The following TSPAN12 variants were observed in gnomAD, a reference collection of about 807,000 sequenced individuals.
TSPAN12 encodes tetraspanin 12.
A neutral mutation model predicts 39.2 loss-of-function variants in TSPAN12; 19 were observed. That is an observed-to-expected ratio of 0.49 (90% CI 0.34 to 0.71). TSPAN12 has a LOEUF of 0.71. TSPAN12 is among the 30% of genes least tolerant of loss of function. The pLI is 0.01. For synonymous variants in TSPAN12, 119 were observed against 124.8 expected, an observed-to-expected ratio of 0.95 and a Z score of 0.31; for missense variants, 314 against 359.9, an observed-to-expected ratio of 0.87 and a Z score of 1.03.
chr7:120,799,888 TTAA>T (rs1427802717), intron 7 of TSPAN12, among the ~76,000 whole-genome samples: 3 of 142,060 alleles, frequency 2.1e-5, no homozygotes, highest in Non-Finnish European at 4.5e-5. Flanking sequence ...TAATTAAATA[TTAA>T]TAAATATTTA....
chr7:120,809,840 T>C (rs1477674107), intron 6 of TSPAN12, among the ~76,000 whole-genome samples: 1 of 152,190 alleles, frequency 6.6e-6, no homozygotes, highest in Non-Finnish European at 1.5e-5. Context: ...TTTGTAATGT[T>C]ATTGTTAATA....
upstream of TSPAN12, chr7:120,858,265 T>C (rs1163586004): frequency 6.6e-6 from 1 of 152,266 alleles, no homozygotes; most frequent in Non-Finnish European, 1.5e-5. Context: ...AGATAATGCC[T>C]AGGAACTTGG....
At chr7:120,810,049 T>A (rs910303847) in intron 6 of TSPAN12, among the ~76,000 whole-genome samples, 3 of 152,164 alleles carry the variant, frequency 2.0e-5, no homozygotes, top group Non-Finnish European at 2.9e-5. Flanking sequence ...ATTAATGATA[T>A]ACTGACTTCA....
intron 7 of TSPAN12, among the ~76,000 whole-genome samples, chr7:120,799,801 A>G (rs1218168675): frequency 7.4e-6 from 1 of 136,028 alleles, no homozygotes; most frequent in East Asian, 2.1e-4. Flanking sequence ...AATATATTAA[A>G]TATTTATTAT....
intron 7 of TSPAN12, among the ~76,000 whole-genome samples, chr7:120,792,970 A>C (rs1167496893): frequency 6.6e-6 from 1 of 152,228 alleles, no homozygotes; most frequent in Non-Finnish European, 1.5e-5. Context: ...CCACACCGGA[A>C]CAACACTAAT....
At chr7:120,795,215 G>A (rs528456254) in intron 7 of TSPAN12, among the ~76,000 whole-genome samples, 1 of 152,278 alleles carries the variant, frequency 6.6e-6, no homozygotes, top group Admixed American at 6.5e-5. Flanking sequence ...AATTTTACTT[G>A]AAAATGTTTT....
At chr7:120,838,607 C>T (rs187950338) in intron 4 of TSPAN12, among the ~76,000 whole-genome samples, 170 bp downstream of exon 4, 41 of 152,240 alleles carry the variant, frequency 2.7e-4, no homozygotes, top group African/African-American at 9.1e-4. Flanking sequence ...ATACCTCATC[C>T]GGTACAGCAA....
intron 2 of TSPAN12, among the ~76,000 whole-genome samples, chr7:120,850,170 T>C (rs1001548911): frequency 6.6e-6 from 1 of 152,190 alleles, no homozygotes; most frequent in Non-Finnish European, 1.5e-5. Flanking sequence ...AGAATGAACA[T>C]CAATTAATTA....
intron 4 of TSPAN12, among the ~76,000 whole-genome samples, chr7:120,827,819 T>C (rs1442202193): frequency 1.3e-5 from 2 of 152,208 alleles, no homozygotes; most frequent in African/African-American, 4.8e-5. Context: ...CCACTGACAC[T>C]AGTTGTTTAA....
intron 2 of TSPAN12, among the ~76,000 whole-genome samples, chr7:120,855,272 T>C (rs1232535880): frequency 6.6e-6 from 1 of 152,194 alleles, no homozygotes. Context: ...CATTGGACTA[T>C]CTGATCTTTG....
At chr7:120,813,532 T>C (rs1472243363) in intron 5 of TSPAN12, among the ~76,000 whole-genome samples, 2 of 152,234 alleles carry the variant, frequency 1.3e-5, no homozygotes, top group African/African-American at 4.8e-5. Flanking sequence ...CATGTTAAGT[T>C]AATTCATTTT....
At chr7:120,794,950 G>T (rs1793602617) in intron 7 of TSPAN12, among the ~76,000 whole-genome samples, 1 of 152,092 alleles carries the variant, frequency 6.6e-6, no homozygotes, top group African/African-American at 2.4e-5. Context: ...TATGCATAAG[G>T]TTTACATTTT....
At position 120,788,645 on chromosome 7, in the gene TSPAN12, G is replaced by A; in HGVS notation, c.865C>T (p.His289Tyr). 1 of 1,614,124 alleles carries A rather than the reference G, an allele frequency of 6.2e-7. No individual in the cohort carries two copies. Among genetic ancestry groups the A allele is most frequent in the Non-Finnish European group, 8.5e-7 (1 of 1,179,990 alleles). The stretch of plus-strand genomic sequence containing the variant: ...TTAAAGCTGTTTGCCATGGATGTGT[G>A]TTCAAAGATTCTTGACAGGCTTGGT... Reference protein sequence around the residue: ...LKPSLSRIFEHTSMANSFNTH... With the variant: ...LKPSLSRIFEYTSMANSFNTH... The change falls in exon 8 of 8, where the codon CAC becomes TAC. Residue 289 changes from histidine to tyrosine, a missense_variant. By Grantham distance (83) the His-to-Tyr change is moderately conservative (BLOSUM62 2). Coordinates refer to ENST00000222747, the MANE Select transcript of TSPAN12 (RefSeq NM_012338.4).
Position 120,835,683 on chromosome 7 carries a change from A to T in TSPAN12, c.285+3094T>A, listed in dbSNP as rs1438750895. Among the ~76,000 whole-genome samples, 15 of 152,160 alleles carry T rather than the reference A, an allele frequency of 9.9e-5. No homozygotes were observed. In the South Asian group the frequency reaches 2.7e-3, roughly 27 times the overall value. ...ACTCATGTACAAGAACTCTTCATTT[A>T]AAAAAAATTCAGGTAAAACTCTACA... On this transcript the variant is annotated intron_variant, in intron 4 of 7. Transcript: ENST00000222747.
chr7:120,856,637 G>C (rs1433923244), intron 2 of TSPAN12, 61 bp downstream of exon 2: 2 of 1,533,584 alleles, frequency 1.3e-6, no homozygotes, highest in Admixed American at 3.3e-5. Context: ...CGCATTATCC[G>C]GTGGCTGCAG....
chr7:120,843,977 A>G (rs1489105417), intron 2 of TSPAN12, among the ~76,000 whole-genome samples: 1 of 152,152 alleles, frequency 6.6e-6, no homozygotes, highest in Non-Finnish European at 1.5e-5. Context: ...AAAGAGGTTT[A>G]GTTGGCTCAT....
chr7:120,814,700 T>A (rs755985451), intron 5 of TSPAN12, among the ~76,000 whole-genome samples: 2 of 152,156 alleles, frequency 1.3e-5, no homozygotes, highest in Non-Finnish European at 2.9e-5. Context: ...AAGCCAAACA[T>A]GACTAGTAAA....
intron 3 of TSPAN12, 61 bp from the exon 4 acceptor site, chr7:120,838,973 G>T: frequency 6.5e-7 from 1 of 1,533,538 alleles, no homozygotes. Flanking sequence ...CCAAGACATA[G>T]CAGAAGACAC....
At chr7:120,827,453 A>G (rs1379847182) in intron 4 of TSPAN12, among the ~76,000 whole-genome samples, 1 of 152,230 alleles carries the variant, frequency 6.6e-6, no homozygotes, top group African/African-American at 2.4e-5. Context: ...TTATTTGTGA[A>G]TGTTACACTC....
Sources: gnomAD v4.1 joint callset for allele counts (sites outside exome capture counted in the v4.1 genomes callset) on GRCh38, gnomAD v4.1.1 for gene constraint, MANE v1.5 for transcripts, NCBI Gene and HGNC (gene_info 2026-07-23, HGNC 2026-07-21) for gene names.